Variants in ATP1A1 observed in about 807,000 individuals in gnomAD.
ATP1A1 encodes sodium/potassium-transporting ATPase subunit alpha-1.
Under a neutral mutation model 114.8 loss-of-function variants are expected in ATP1A1, and 14 were observed. That is an observed-to-expected ratio of 0.12 (90% confidence interval 0.08 to 0.19). ATP1A1 has a LOEUF of 0.19. ATP1A1 is among the 10% of genes least tolerant of loss of function. ATP1A1 has a pLI of 1.00. For missense variants in ATP1A1, 524 were observed against 1,290.7 expected (o/e 0.41, Z 9.10); for synonymous variants, 471 against 466.3 (o/e 1.01, Z -0.13).
At chr1:116,392,812 A>C (rs1652574893) in intron 10 of ATP1A1, 42 bp from the exon 11 acceptor site, 2 of 1,583,132 alleles carry the variant, frequency 1.3e-6, no homozygotes, top group African/African-American at 1.4e-5. Flanking sequence ...GCCTCAGTGA[A>C]ATTTTTTGGA....
At position 116,397,776 on chromosome 1, in the gene ATP1A1, T is replaced by G. The variant is rs1380873021; in HGVS notation, c.1974-112T>G. On this transcript the variant is annotated intron_variant, in intron 14 of 22. Coordinates refer to ENST00000295598, the MANE Select transcript of ATP1A1 (RefSeq NM_000701.8). The surrounding 1 kb of genome is among the most constrained non-coding windows in gnomAD (Gnocchi z 4.2). ...GCTTTTATGTGCTGGGGAAAATTCC[T>G]TCTTTGTTTTGTTTACAAAGTGATC... The G allele has an allele frequency of 7.4e-7, 1 of 1,347,150 alleles. No homozygotes were observed. Among genetic ancestry groups the G allele is most frequent in the Non-Finnish European group, 1.0e-6 (1 of 991,726 alleles). The allele number at this position is 1,347,150 out of a possible 1,614,324, so 83.4% of individuals were successfully genotyped here. A position where few individuals can be genotyped will look rare whatever the true frequency, so the allele number is the denominator to read the frequency against.
chr1:116,394,035 T>C (rs1212292020), intron 12 of ATP1A1, among the ~76,000 whole-genome samples: 1 of 152,214 alleles, frequency 6.6e-6, no homozygotes, highest in Non-Finnish European at 1.5e-5. Context: ...GAAGAATATC[T>C]TTCTTATCTA....
rs1266480016 is a variant in ATP1A1, at chr1:116,401,106, C to T, written c.2719-24C>T. The T allele has an allele frequency of 1.2e-6, 2 of 1,613,818 alleles. No homozygotes were observed. The highest frequency in any genetic ancestry group is 1.7e-6 in the Non-Finnish European group (2 of 1,179,788). On this transcript the variant is annotated intron_variant, in intron 19 of 22. Transcript: ENST00000295598. The surrounding 1 kb of genome is among the most constrained non-coding windows in gnomAD (Gnocchi z 4.7). ...GCCATGCAGGTGAAGAGCCAGAGCT[C>T]ATCTTCTGTCTTCTGCATTTCAGAC...
chr1:116,381,567 G>T lies in ATP1A1; in HGVS notation c.13-2447G>T, dbSNP rs1651744991. ...CACAAATAGCCTCATTTAAAACTTT[G>T]CCTTACCTAGCATGAATGGATAAAG... On this transcript the variant is annotated intron_variant, in intron 1 of 22. Coordinates refer to ENST00000295598, the MANE Select transcript of ATP1A1 (RefSeq NM_000701.8). The surrounding 1 kb of genome is among the most constrained non-coding windows in gnomAD (Gnocchi z 5.1). Among the ~76,000 whole-genome samples, 1 of 152,280 alleles carries T rather than the reference G, an allele frequency of 6.6e-6. No homozygotes were observed. The highest frequency in any genetic ancestry group is 2.1e-4 in the South Asian group (1 of 4,832).
In ATP1A1 at chr1:116,398,185, A is replaced by T. The variant is rs2101060691; in HGVS notation, c.2124+147A>T. On this transcript the variant is annotated intron_variant, in intron 15 of 22. Coordinates refer to ENST00000295598, the MANE Select transcript of ATP1A1 (RefSeq NM_000701.8). This position sits in a 1 kb window ranked among gnomAD's most constrained non-coding sequence, Gnocchi z 6.1. ...ATAGGCCAGTAGGAAGCTCATAGGC[A>T]TAGAGAGGGTGACTTGTTAATGGTT... The T allele has an allele frequency of 8.5e-7, 1 of 1,176,318 alleles. No individual in the cohort carries two copies. The highest frequency in any genetic ancestry group is 2.5e-5 in the East Asian group (1 of 39,280). 72.9% of individuals were successfully genotyped at this position (1,176,318 alleles called of 1,614,324 possible).
intron 1 of ATP1A1, among the ~76,000 whole-genome samples, chr1:116,377,662 G>C (rs1651461096): frequency 6.6e-6 from 1 of 152,212 alleles, no homozygotes; most frequent in Non-Finnish European, 1.5e-5. Flanking sequence ...TCGGCCTTCT[G>C]TGATGAGAGG....
intron 14 of ATP1A1, among the ~76,000 whole-genome samples, 161 bp downstream of exon 14, chr1:116,396,895 TTAAG>T (rs1557791208): frequency 6.6e-6 from 1 of 152,236 alleles, no homozygotes; most frequent in Non-Finnish European, 1.5e-5. Flanking sequence ...AAGAAGGGTT[TTAAG>T]TAAGAGCAAG....
intron 3 of ATP1A1, among the ~76,000 whole-genome samples, chr1:116,386,337 C>G (rs1195140802): frequency 6.6e-6 from 1 of 152,012 alleles, no homozygotes; most frequent in African/African-American, 2.4e-5. Context: ...ATGAAGTGTG[C>G]TCTCTCCGAC....
At position 116,398,163 on chromosome 1, in the gene ATP1A1, G is replaced by T; in HGVS notation, c.2124+125G>T. ...CGCTGTATTAGACTCAGTATAAATA[G>T]GCCAGTAGGAAGCTCATAGGCATAG... On this transcript the variant is annotated intron_variant, in intron 15 of 22. Transcript: ENST00000295598. The surrounding 1 kb of genome is among the most constrained non-coding windows in gnomAD (Gnocchi z 6.1). The T allele has an allele frequency of 7.5e-7, 1 of 1,332,878 alleles. No individual in the cohort carries two copies. Among genetic ancestry groups the T allele is most frequent in the Non-Finnish European group, 1.0e-6 (1 of 985,164 alleles). 82.6% of individuals were successfully genotyped at this position (1,332,878 alleles called of 1,614,324 possible).
Position 116,373,370 on chromosome 1 carries a change from T to TGCCCCCCCCCC in ATP1A1, c.-142_-141insGCCCCCCCCCC. 6.0e-6 allele frequency: 2 copies of TGCCCCCCCCCC among 333,836 alleles called. No individual in the cohort carries two copies. The highest frequency in any genetic ancestry group is 5.2e-6 in the Non-Finnish European group (1 of 191,792). The allele number at this position is 333,836 out of a possible 1,614,324, so 20.7% of individuals were successfully genotyped here. A position where few individuals can be genotyped will look rare whatever the true frequency, so the allele number is the denominator to read the frequency against. ...CATCGGCCCGAGCCGCCGGCCGCCCTCCCACCCTCCCGCCCCGCGGCAGCC... is the reference window on the plus strand; with the variant it reads ...CATCGGCCCGAGCCGCCGGCCGCCCTGCCCCCCCCCCCCCACCCTCCCGCCCCGCGGCAGCC... On this transcript the variant is annotated 5_prime_UTR_variant, in exon 1 of 23. Coordinates refer to ENST00000295598, the MANE Select transcript of ATP1A1 (RefSeq NM_000701.8).
At position 116,392,871 on chromosome 1, in the gene ATP1A1, T is replaced by C. The variant is rs753883641; in HGVS notation, c.1350T>C (p.Asp450=). 3.7e-6 allele frequency: 6 copies of C among 1,612,724 alleles called. No homozygotes were observed. The highest frequency in any genetic ancestry group is 5.1e-6 in the Non-Finnish European group (6 of 1,179,494). The change falls in exon 11 of 23, where the codon GAT becomes GAC. Residue 450 remains aspartate (D), a synonymous_variant. Transcript: ENST00000295598. ...LPILKRAVAG[D]ASESALLKCI... ...GTTCACAGCGGGCAGTTGCAGGAGA[T>C]GCCTCTGAGTCAGCACTCTTAAAGT...
chr1:116,403,414 T>C (rs1288554240), intron 21 of ATP1A1, among the ~76,000 whole-genome samples: 1 of 152,224 alleles, frequency 6.6e-6, no homozygotes, highest in Non-Finnish European at 1.5e-5. Context: ...TCCCAAATGC[T>C]GTTGTCAGAG....
intron 13 of ATP1A1, 23 bp from the exon 14 acceptor site, chr1:116,396,575 A>G (rs778035047): frequency 1.2e-6 from 2 of 1,612,200 alleles, no homozygotes; most frequent in Non-Finnish European, 1.7e-6. Context: ...GTTGCATTCA[A>G]CACATTGTCT....
Position 116,384,166 on chromosome 1 carries a change from A to T in ATP1A1, c.123+42A>T, listed in dbSNP as rs199784564. ...ATATTGTATTCCATCCTTATTAAAA[A>T]TCCATGATTTTTAATCCCCCAGGCC... On this transcript the variant is annotated intron_variant, in intron 2 of 22. Transcript: ENST00000295598. This position sits in a 1 kb window ranked among gnomAD's most constrained non-coding sequence, Gnocchi z 5.1. 105 of 1,548,168 alleles carry T rather than the reference A, an allele frequency of 6.8e-5. No individual in the cohort carries two copies. In the African/African-American group the frequency reaches 1.1e-3, roughly 16 times the overall value.
At position 116,400,686 on chromosome 1, in the gene ATP1A1, A is replaced by G. The variant is rs756592560; in HGVS notation, c.2573-175A>G. ...TTGGAGTGTATGCCTGGGGTCCTCC[A>G]TCCCATCCCTCATAGCCTGTGAGTG... On this transcript the variant is annotated intron_variant, in intron 18 of 22. Transcript: ENST00000295598. Among the ~76,000 whole-genome samples, 5 of 152,134 alleles carry G rather than the reference A, an allele frequency of 3.3e-5. No individual in the cohort carries two copies. In the South Asian group the frequency reaches 8.3e-4, roughly 25 times the overall value.
At chr1:116,373,860 G>T (rs1344220456) in intron 1 of ATP1A1, 3 of 1,269,860 alleles carry the variant, frequency 2.4e-6, no homozygotes, top group African/African-American at 3.1e-5. Context: ...GGGAGGAGGG[G>T]GCTTGCAGCA....
In ATP1A1 at chr1:116,395,059, C is replaced by T. The variant is rs190539698; in HGVS notation, c.1661-51C>T. 4.5e-4 allele frequency: 708 copies of T among 1,575,522 alleles called. 8 individuals carry two copies. In the East Asian group the frequency reaches 0.014, roughly 31 times the overall value. On this transcript the variant is annotated intron_variant, in intron 12 of 22. Coordinates refer to ENST00000295598, the MANE Select transcript of ATP1A1 (RefSeq NM_000701.8). The surrounding 1 kb of genome is among the most constrained non-coding windows in gnomAD (Gnocchi z 6.4). ...GGCTGAATAGGCTGCTGTTGTCCTT[C>T]TTACTGCCCAGCGTCACTGAAATTT...
At chr1:116,377,493 T>C (rs1019736163) in intron 1 of ATP1A1, among the ~76,000 whole-genome samples, 3 of 152,210 alleles carry the variant, frequency 2.0e-5, no homozygotes, top group African/African-American at 7.2e-5. Context: ...CAAGTAGAGG[T>C]GTCAATTGAC....
At chr1:116,400,723 C>A in intron 18 of ATP1A1, 138 bp from the exon 19 acceptor site, 1 of 1,089,928 alleles carries the variant, frequency 9.2e-7, no homozygotes, top group Non-Finnish European at 1.3e-6. Context: ...CCAGGCAATT[C>A]TTTCCTGTGC....
Sources: allele counts gnomAD v4.1 joint callset (sites outside exome capture counted in the v4.1 genomes callset), GRCh38; gene constraint gnomAD v4.1.1; non-coding constraint Gnocchi (gnomAD v3.1); transcripts MANE v1.5; gene names NCBI Gene and HGNC (gene_info 2026-07-23, HGNC 2026-07-21).